APEH: variants seen among roughly 807,000 people sequenced by gnomAD.
APEH encodes the protein acylaminoacyl-peptide hydrolase, also known as acylamino-acid-releasing enzyme.
A neutral mutation model predicts 102.7 loss-of-function variants in APEH; 75 were observed. The observed-to-expected ratio is 0.73, with a 90% confidence interval of 0.61 to 0.89. APEH has a LOEUF of 0.89. Ranked by LOEUF, APEH falls within the 40% of genes least tolerant of loss-of-function variation. The probability of loss-of-function intolerance (pLI) is 0.00; values close to 1 mark genes in which losing one functional copy is unlikely to be tolerated. For synonymous variants in APEH, 344 were observed against 362.7 expected (o/e 0.95, Z 0.59); for missense variants, 863 against 941.2 (o/e 0.92, Z 1.09).
At chr3:49,677,685 C>T (rs1299984310) in intron 11 of APEH, 52 bp downstream of exon 11, 5 of 1,520,184 alleles carry the variant, frequency 3.3e-6, no homozygotes, top group Non-Finnish European at 3.7e-6. Context: ...CTCTGCTTTC[C>T]TGCCGTCTGT....
intron 11 of APEH, 96 bp from the exon 12 acceptor site, chr3:49,678,756 G>A (rs1575472712): frequency 5.8e-6 from 6 of 1,027,582 alleles, no homozygotes; most frequent in South Asian, 5.4e-5. Flanking sequence ...GCCTGAGTAG[G>A]GCCCTGGGTG....
At chr3:49,682,056 C>T in intron 17 of APEH, 89 bp downstream of exon 17, 4 of 1,409,510 alleles carry the variant, frequency 2.8e-6, no homozygotes, top group Non-Finnish European at 2.0e-6. Context: ...GGGTGCCACT[C>T]TAGTCTCCAG....
chr3:49,674,133 C>T (rs888377990), upstream of APEH: 2 of 536,664 alleles, frequency 3.7e-6, no homozygotes, highest in Admixed American at 7.5e-5. Context: ...GGACTCAGCC[C>T]ACGGCCCCGC....
At position 49,682,531 on chromosome 3, in the gene APEH, T is replaced by C; in HGVS notation, c.1693-15T>C. 1 of 1,613,930 alleles carries C rather than the reference T, an allele frequency of 6.2e-7. No individual in the cohort carries two copies. Among genetic ancestry groups the C allele is most frequent in the Non-Finnish European group, 8.5e-7 (1 of 1,179,874 alleles). ...GCGGGCAGCTGGCTGCAGCATGCTT[T>C]GTCCCACCCTGCAGTTTGCAGTGGA... On this transcript the variant is annotated splice_polypyrimidine_tract_variant and intron_variant, in intron 18 of 21. Coordinates refer to ENST00000296456, the MANE Select transcript of APEH (RefSeq NM_001640.4).
intron 20 of APEH, 29 bp downstream of exon 20, chr3:49,682,974 C>G: frequency 6.2e-7 from 1 of 1,611,464 alleles, no homozygotes; most frequent in African/African-American, 1.3e-5. Context: ...GCCCTGTGTG[C>G]TGCCCATCCA....
At chr3:49,673,723 C>T (rs1263623517), upstream of APEH, among the ~76,000 whole-genome samples, 2 of 152,158 alleles carry the variant, frequency 1.3e-5, no homozygotes, top group Non-Finnish European at 1.5e-5. Flanking sequence ...TCGTGGTGGA[C>T]CCGAAGGAAC....
At chr3:49,683,167 C>G (rs2053432686) in intron 21 of APEH, 21 bp downstream of exon 21, 4 of 1,612,440 alleles carry the variant, frequency 2.5e-6, no homozygotes, top group Non-Finnish European at 3.4e-6. Context: ...CATGAAGGCC[C>G]TGGCAGCTGG....
In APEH at chr3:49,675,730, A is replaced by G; in HGVS notation, c.309A>G (p.Lys103=). 1 of 1,614,056 alleles carries G rather than the reference A, an allele frequency of 6.2e-7. No individual in the cohort carries two copies. The highest frequency in any genetic ancestry group is 8.5e-7 in the Non-Finnish European group (1 of 1,180,010). Reference sequence around the variant, plus strand: ...GAGAGTCTCCTTCAGGCACCATGAAAGCTGTGCTGCGCAAGGCTGGAGGCA... The same window carrying G: ...GAGAGTCTCCTTCAGGCACCATGAAGGCTGTGCTGCGCAAGGCTGGAGGCA... ...LSRESPSGTM[K]AVLRKAGGTG... The change falls in exon 4 of 22, where the codon AAA becomes AAG. Residue 103 remains lysine (K), a synonymous_variant. Transcript: ENST00000296456.
chr3:49,675,591 T>A, intron 3 of APEH, 103 bp from the exon 4 acceptor site: 1 of 1,220,216 alleles, frequency 8.2e-7, no homozygotes, highest in Admixed American at 1.9e-5. Flanking sequence ...GAAGCTGGTG[T>A]GGGGCCAGAG....
At chr3:49,674,839 T>G (rs2052948972) in intron 2 of APEH, among the ~76,000 whole-genome samples, 1 of 152,100 alleles carries the variant, frequency 6.6e-6, no homozygotes, top group African/African-American at 2.4e-5. Context: ...GTGCACGAGA[T>G]GACGGCGTAG....
chr3:49,680,313 C>T, intron 13 of APEH: 1 of 526,236 alleles, frequency 1.9e-6, no homozygotes, highest in South Asian at 2.0e-5. Flanking sequence ...TCTGATGTGT[C>T]TTAAGGTTTG....
In APEH at chr3:49,679,724, CAT is replaced by C. The variant is rs1295212891; in HGVS notation, c.1210+81_1210+82del. ...AGGCAGCGGGGGACTGGAGCTCCAACATGTGGGGCAGTGATGGCATTCTCAGC... is the reference window on the plus strand; with the variant it reads ...AGGCAGCGGGGGACTGGAGCTCCAACGTGGGGCAGTGATGGCATTCTCAGC... On this transcript the variant is annotated intron_variant, in intron 13 of 21. Coordinates refer to ENST00000296456, the MANE Select transcript of APEH (RefSeq NM_001640.4). The surrounding 1 kb of genome is among the most constrained non-coding windows in gnomAD (Gnocchi z 4.3). 2.8e-6 allele frequency: 4 copies of C among 1,426,358 alleles called. No individual in the cohort carries two copies. Among genetic ancestry groups the C allele is most frequent in the Non-Finnish European group, 3.9e-6 (4 of 1,014,120 alleles). The allele number at this position is 1,426,358 out of a possible 1,614,324, so 88.4% of individuals were successfully genotyped here.
Position 49,675,932 on chromosome 3 carries a change from A to G in APEH, c.408A>G (p.Ser136=). The G allele has an allele frequency of 1.2e-6, 2 of 1,614,178 alleles. No individual in the cohort carries two copies. Among genetic ancestry groups the G allele is most frequent in the South Asian group, 1.1e-5 (1 of 91,084 alleles). ...GGAAGCTCAAGAGCTTCAACCTGTC[A>G]GCGCTGGAGAAACATGGGCCTGTTT... The part of the protein sequence containing the change: ...KNRKLKSFNL[S]ALEKHGPVYE... The change falls in exon 5 of 22, where the codon TCA becomes TCG. Residue 136 remains serine, a synonymous_variant. Coordinates refer to ENST00000296456, the MANE Select transcript of APEH (RefSeq NM_001640.4).
At chr3:49,674,645 C>G (rs767824319) in intron 2 of APEH, 24 bp downstream of exon 2, 501 of 1,585,232 alleles carry the variant, frequency 3.2e-4, no homozygotes, top group Non-Finnish European at 4.2e-4. Flanking sequence ...GGGGAACTGG[C>G]TGGCGACGGG....
Position 49,680,638 on chromosome 3 carries a change from C to A in APEH, c.1299+9C>A. The A allele has an allele frequency of 1.2e-6, 2 of 1,612,606 alleles. No individual in the cohort carries two copies. The highest frequency in any genetic ancestry group is 1.7e-6 in the Non-Finnish European group (2 of 1,178,890). ...GCCTACCTCCAACCCTGGTGAGTGT[C>A]GGTGGGTCCCAGGCTGTGGAGGCAG... is the stretch of plus-strand genomic sequence containing the variant. On this transcript the variant is annotated intron_variant, in intron 14 of 21. Coordinates refer to ENST00000296456, the MANE Select transcript of APEH (RefSeq NM_001640.4).
rs1327813489 is a variant in APEH, at chr3:49,674,538, G to A, written c.62G>A (p.Ser21Asn). The change falls in exon 2 of 22, where the codon AGC becomes AAC. Residue 21 changes from serine (S) to asparagine (N), a missense_variant. By Grantham distance (46) the Ser-to-Asn change is conservative. Coordinates refer to ENST00000296456, the MANE Select transcript of APEH (RefSeq NM_001640.4). ...GCGGCGGCTCTGTATCGGGGCCTTA[G>A]CCGCCAGCCCGCGCTGAGCGCCGCC... is the stretch of plus-strand genomic sequence containing the variant. ...EEAAALYRGL[S>N]RQPALSAACL... 6.4e-7 allele frequency: 1 copy of A among 1,566,042 alleles called. No individual in the cohort carries two copies. The highest frequency in any genetic ancestry group is 1.9e-5 in the Admixed American group (1 of 53,736).
chr3:49,680,977 C>G, intron 14 of APEH, 124 bp from the exon 15 acceptor site: 15 of 1,267,708 alleles, frequency 1.2e-5, no homozygotes, highest in East Asian at 2.4e-5. Flanking sequence ...GGAAGCCATG[C>G]TGTACCTTCT....
In APEH at chr3:49,683,832, G is replaced by GAAGCCCCTAGGCTGGAC. The variant is rs1386706025; in HGVS notation, c.*492_*508dup. 1.3e-6 allele frequency: 1 copy of GAAGCCCCTAGGCTGGAC among 786,802 alleles called. No individual in the cohort carries two copies. The highest frequency in any genetic ancestry group is 2.0e-6 in the Non-Finnish European group (1 of 506,576). The allele number at this position is 786,802 out of a possible 1,614,324, so 48.7% of individuals were successfully genotyped here. On this transcript the variant is annotated 3_prime_UTR_variant, in exon 22 of 22. Coordinates refer to ENST00000296456, the MANE Select transcript of APEH (RefSeq NM_001640.4). ...TCCCAGGGACATTGCCTTGGTTGGG[G>GAAGCCCCTAGGCTGGAC]AAGCCCCTAGGCTGGACAGATCACC...
chr3:49,681,881 C>G lies in APEH; in HGVS notation c.1523-6C>G. 2 of 1,613,870 alleles carry G rather than the reference C, an allele frequency of 1.2e-6. No homozygotes were observed. The highest frequency in any genetic ancestry group is 1.1e-5 in the South Asian group (1 of 91,080). ...GGCCCTTTCACCCTCCGCTCCCTGTCTGCAGGGGGGCCCCATTCATCCTTT... is the reference window on the plus strand; with the variant it reads ...GGCCCTTTCACCCTCCGCTCCCTGTGTGCAGGGGGGCCCCATTCATCCTTT... On this transcript the variant is annotated splice_region_variant and splice_polypyrimidine_tract_variant and intron_variant, in intron 16 of 21. Coordinates refer to ENST00000296456, the MANE Select transcript of APEH (RefSeq NM_001640.4).
Sources: gnomAD v4.1 joint callset for allele counts (sites outside exome capture counted in the v4.1 genomes callset) on GRCh38, gnomAD v4.1.1 for gene constraint, Gnocchi (gnomAD v3.1) non-coding constraint, MANE v1.5 for transcripts, NCBI Gene and HGNC (gene_info 2026-07-23, HGNC 2026-07-21) for gene names.